The following ACOT7 variants were observed in gnomAD, a reference collection of about 807,000 sequenced individuals.
ACOT7 encodes acyl-CoA thioesterase 7.
In ACOT7, 12 loss-of-function variants were observed where a neutral mutation model predicts 40.2. The ratio of observed to expected loss-of-function variants is 0.30; its 90% CI spans 0.19 to 0.48. ACOT7 has a LOEUF of 0.48. ACOT7 is among the 20% of genes least tolerant of loss of function. The probability of loss-of-function intolerance (pLI) is 0.99; values close to 1 mark genes in which losing one functional copy is unlikely to be tolerated. For missense variants in ACOT7, 395 were observed against 530.8 expected (o/e 0.74, Z 2.51); for synonymous variants, 228 against 219.5 (o/e 1.04, Z -0.34).
rs1314839218 is a variant in ACOT7 at position 6,301,958 on chromosome 1, AAAC to A, written c.713-6981_713-6979del. On this transcript the variant is annotated intron_variant, in intron 6 of 8. Transcript: ENST00000361521. This position sits in a 1 kb window ranked among gnomAD's most constrained non-coding sequence, Gnocchi z 4.1. ...TTAGATCAGCGGCAGACCTGCTATG[AAAC>A]AACAACTTTATACTAACGATGGAAA... is the stretch of plus-strand genomic sequence containing the variant. Among the ~76,000 whole-genome samples the A allele has an allele frequency of 2.6e-5, 4 of 152,226 alleles. No individual in the cohort carries two copies. Among genetic ancestry groups the A allele is most frequent in the African/African-American group, 9.6e-5 (4 of 41,464 alleles).
intron 1 of ACOT7, among the ~76,000 whole-genome samples, chr1:6,354,683 GC>G (rs1307685869): frequency 5.6e-5 from 4 of 71,010 alleles, no homozygotes; most frequent in Non-Finnish European, 1.0e-4. Context: ...CTGGCCTCTA[GC>G]CCCCCCATGG....
intron 7 of ACOT7, among the ~76,000 whole-genome samples, chr1:6,285,316 C>A (rs927460927): frequency 6.6e-6 from 1 of 152,228 alleles, no homozygotes; most frequent in African/African-American, 2.4e-5. Flanking sequence ...GGCCAGCAGC[C>A]CCTTCCAAGC....
rs577872684 is a variant in ACOT7 at position 6,370,784 on chromosome 1, C to T, written c.144-20918G>A. Among the ~76,000 whole-genome samples, 331 of 150,938 alleles carry T rather than the reference C, an allele frequency of 2.2e-3. 1 individual carries two copies. The highest frequency in any genetic ancestry group is 6.8e-3 in the Middle Eastern group (2 of 294). ...CTGGGATTACAGGCATGAGTCACCA[C>T]GCACAGCCAATGATTAGTATTATTT... On this transcript the variant is annotated intron_variant, in intron 1 of 8. Coordinates refer to ENST00000361521, the MANE Select transcript of ACOT7 (RefSeq NM_007274.4).
intron 7 of ACOT7, among the ~76,000 whole-genome samples, chr1:6,292,455 C>G (rs1484046411): frequency 6.6e-6 from 1 of 152,246 alleles, no homozygotes; most frequent in Admixed American, 6.5e-5. Context: ...TTGTGGAAAG[C>G]CTTTGGCAAA....
At chr1:6,369,394 A>ATTTTT (rs1642083340) in intron 1 of ACOT7, among the ~76,000 whole-genome samples, 1 of 126,496 alleles carries the variant, frequency 7.9e-6, no homozygotes, top group African/African-American at 3.1e-5. Context: ...CACAAAATGC[A>ATTTTT]TTTCTTTTTT....
intron 7 of ACOT7, among the ~76,000 whole-genome samples, chr1:6,284,427 T>C: frequency 6.6e-6 from 1 of 151,420 alleles, no homozygotes; most frequent in Admixed American, 6.6e-5. Flanking sequence ...AAATACAAAA[T>C]TAGCCGGGCA....
intron 6 of ACOT7, among the ~76,000 whole-genome samples, chr1:6,304,438 G>A (rs556189983): frequency 1.5e-5 from 2 of 130,094 alleles, no homozygotes; most frequent in Admixed American, 8.3e-5. Context: ...GGTGTTTCTC[G>A]CAGAGGGGGA....
Position 6,329,998 on chromosome 1 carries a change from G to C in ACOT7, c.511-2585C>G, listed in dbSNP as rs573537433. 7.0e-4 allele frequency among the ~76,000 whole-genome samples: 107 copies of C among 152,166 alleles called. 1 individual carries two copies. Among genetic ancestry groups the C allele is most frequent in the Non-Finnish European group, 1.0e-3 (70 of 68,036 alleles). On this transcript the variant is annotated intron_variant, in intron 4 of 8. Coordinates refer to ENST00000361521, the MANE Select transcript of ACOT7 (RefSeq NM_007274.4). ...AAAAGACATCCTGCGCTAGACGACT[G>C]TGCGCATGGCCGGCAGCTGGGTTCC... is the stretch of plus-strand genomic sequence containing the variant.
intron 1 of ACOT7, among the ~76,000 whole-genome samples, chr1:6,378,051 CAG>C (rs1338226369): frequency 6.6e-6 from 1 of 151,534 alleles, no homozygotes; most frequent in Non-Finnish European, 1.5e-5. Context: ...GCCTGGGCGA[CAG>C]AGCAAGACTC....
intron 5 of ACOT7, among the ~76,000 whole-genome samples, chr1:6,319,879 G>A (rs952921348): frequency 3.3e-5 from 5 of 152,236 alleles, no homozygotes; most frequent in Admixed American, 1.3e-4. Flanking sequence ...ACGAGGGTGC[G>A]AGGGCTGGTG....
intron 8 of ACOT7, among the ~76,000 whole-genome samples, chr1:6,266,937 C>A (rs950406831): frequency 9.9e-5 from 15 of 152,214 alleles, no homozygotes; most frequent in African/African-American, 3.4e-4. Flanking sequence ...TGGGAGACAT[C>A]GGGTTGGGAG....
Position 6,301,906 on chromosome 1 carries a change from G to A in ACOT7, c.713-6926C>T, listed in dbSNP as rs914984215. On this transcript the variant is annotated intron_variant, in intron 6 of 8. Transcript: ENST00000361521. The surrounding 1 kb of genome is among the most constrained non-coding windows in gnomAD (Gnocchi z 4.1). ...TCCAGCCCCAGCAGCCAGCACACACGCACCGGCCTGGGAAACCACGCAGAG... is the reference window on the plus strand; with the variant it reads ...TCCAGCCCCAGCAGCCAGCACACACACACCGGCCTGGGAAACCACGCAGAG... Among the ~76,000 whole-genome samples, 8 of 152,156 alleles carry A rather than the reference G, an allele frequency of 5.3e-5. No individual in the cohort carries two copies. Among genetic ancestry groups the A allele is most frequent in the Admixed American group, 4.6e-4 (7 of 15,280 alleles).
At chr1:6,314,306 G>A (rs1255608373) in intron 6 of ACOT7, among the ~76,000 whole-genome samples, 1 of 152,070 alleles carries the variant, frequency 6.6e-6, no homozygotes, top group Non-Finnish European at 1.5e-5. Context: ...TCAGAAACAG[G>A]AGCTACCCCT....
chr1:6,385,971 G>A (rs747453585), intron 1 of ACOT7: 7 of 286,580 alleles, frequency 2.4e-5, no homozygotes, highest in Non-Finnish European at 3.1e-5. Flanking sequence ...CTGCGGGAGA[G>A]GATGAACTGG....
intron 1 of ACOT7, chr1:6,385,479 T>G (rs1319195012): frequency 4.4e-6 from 7 of 1,603,072 alleles, no homozygotes; most frequent in Non-Finnish European, 6.0e-6. Context: ...CACAAAATAT[T>G]CCCAGTCATC....
intron 1 of ACOT7, among the ~76,000 whole-genome samples, chr1:6,381,905 C>A (rs566662246): frequency 1.4e-4 from 21 of 150,938 alleles, no homozygotes; most frequent in Non-Finnish European, 2.2e-4. Flanking sequence ...GAGGCCGAGG[C>A]AGGTGGATCA....
At chr1:6,343,540 A>C (rs1464757760) in intron 2 of ACOT7, among the ~76,000 whole-genome samples, 1 of 152,246 alleles carries the variant, frequency 6.6e-6, no homozygotes, top group Admixed American at 6.5e-5. Context: ...CCTACTCACA[A>C]CAGGTCACAG....
intron 6 of ACOT7, 37 bp downstream of exon 6, chr1:6,318,455 G>C: frequency 6.3e-7 from 1 of 1,599,466 alleles, no homozygotes; most frequent in Non-Finnish European, 8.6e-7. Flanking sequence ...ATGAGCCAAG[G>C]GACAGGAATG....
chr1:6,363,309 G>A (rs74049545), intron 1 of ACOT7, among the ~76,000 whole-genome samples: 3,385 of 152,188 alleles, frequency 0.022, 118 homozygotes, highest in African/African-American at 0.077. Context: ...CAGCAGTAGC[G>A]TCAGTGCCAA....
Sources: allele counts gnomAD v4.1 joint callset (sites outside exome capture counted in the v4.1 genomes callset), GRCh38; gene constraint gnomAD v4.1.1; non-coding constraint Gnocchi (gnomAD v3.1); transcripts MANE v1.5; gene names NCBI Gene and HGNC (gene_info 2026-07-23, HGNC 2026-07-21).